Variants in CAMTA1 observed in about 807,000 individuals in gnomAD.
CAMTA1 encodes calmodulin-binding transcription activator 1.
In CAMTA1, 27 loss-of-function variants were observed where a neutral mutation model predicts 170.9. That is an observed-to-expected ratio of 0.16 (90% CI 0.12 to 0.22). The LOEUF is 0.22. Ranked by LOEUF, CAMTA1 falls within the 10% of genes least tolerant of loss-of-function variation. The pLI is 1.00. For synonymous variants in CAMTA1, 833 were observed against 891.5 expected (o/e 0.93, Z 1.17); for missense variants, 1,619 against 2,217.2 (o/e 0.73, Z 5.42).
chr1:6,846,429 G>T (rs1369686901), intron 3 of CAMTA1, among the ~76,000 whole-genome samples: 1 of 152,104 alleles, frequency 6.6e-6, no homozygotes, highest in Non-Finnish European at 1.5e-5. Flanking sequence ...GGAGACAATT[G>T]CCCAAATAAA....
intron 3 of CAMTA1, among the ~76,000 whole-genome samples, chr1:7,021,050 C>T (rs950665634): frequency 4.3e-4 from 65 of 152,240 alleles, no homozygotes; most frequent in Non-Finnish European, 8.7e-4. Flanking sequence ...GTGCTGGAGG[C>T]GAGGAGTGAG....
intron 3 of CAMTA1, among the ~76,000 whole-genome samples, chr1:6,987,168 GT>G (rs34352811): frequency 7.5e-5 from 11 of 145,924 alleles, no homozygotes; most frequent in Non-Finnish European, 1.1e-4. Context: ...AGACTGTTTT[GT>G]TTTTTTTTTT....
intron 3 of CAMTA1, among the ~76,000 whole-genome samples, chr1:6,828,568 G>A (rs974051893): frequency 5.9e-5 from 9 of 152,176 alleles, no homozygotes; most frequent in African/African-American, 2.2e-4. Flanking sequence ...GGGATTACAG[G>A]CGTGAACCAC....
At chr1:7,598,058 T>C (rs2095414028) in intron 6 of CAMTA1, among the ~76,000 whole-genome samples, 1 of 151,784 alleles carries the variant, frequency 6.6e-6, no homozygotes, top group Admixed American at 6.6e-5. Flanking sequence ...TAACATTAGG[T>C]ATATCTCCTA....
At position 7,435,007 on chromosome 1, in the gene CAMTA1, C is replaced by G. The variant is rs1002199127; in HGVS notation, c.439-32823C>G. 6.6e-6 allele frequency among the ~76,000 whole-genome samples: 1 copy of G among 151,990 alleles called. No individual in the cohort carries two copies. The highest frequency in any genetic ancestry group is 2.4e-5 in the African/African-American group (1 of 41,376). ...GTTGAGGCTGCAGTGAGCTGAGATCCCACCACTGCACTCCAGCCTGGGTGA... is the reference window on the plus strand; with the variant it reads ...GTTGAGGCTGCAGTGAGCTGAGATCGCACCACTGCACTCCAGCCTGGGTGA... On this transcript the variant is annotated intron_variant, in intron 5 of 22. Transcript: ENST00000303635. The surrounding 1 kb of genome is among the most constrained non-coding windows in gnomAD (Gnocchi z 4.4).
intron 5 of CAMTA1, among the ~76,000 whole-genome samples, chr1:7,274,795 G>A (rs1285268519): frequency 6.6e-6 from 1 of 152,010 alleles, no homozygotes; most frequent in Non-Finnish European, 1.5e-5. Context: ...CCAAATATGT[G>A]GAAATTACAC....
chr1:6,973,268 T>C (rs1167695617), intron 3 of CAMTA1, among the ~76,000 whole-genome samples: 1 of 152,222 alleles, frequency 6.6e-6, no homozygotes, highest in Non-Finnish European at 1.5e-5. Context: ...ATGTTGAACA[T>C]CAACTCCCTA....
intron 4 of CAMTA1, among the ~76,000 whole-genome samples, chr1:7,091,948 G>A (rs61782774): frequency 0.14 from 21,495 of 152,222 alleles, 1,629 homozygotes; most frequent in East Asian, 0.25. Context: ...CCTGCGTTCC[G>A]CCAGCACCAG....
At position 7,323,632 on chromosome 1, in the gene CAMTA1, C is replaced by T. The variant is rs1678832274; in HGVS notation, c.438+74006C>T. On this transcript the variant is annotated intron_variant, in intron 5 of 22. Transcript: ENST00000303635. ...CCACTTCCCAGGTTCAAACAATTCT[C>T]CTGCCTCAGCCTCCTGAGTCGGTGG... is the stretch of plus-strand genomic sequence containing the variant. Among the ~76,000 whole-genome samples, 5 of 150,402 alleles carry T rather than the reference C, an allele frequency of 3.3e-5. No individual in the cohort carries two copies. In the South Asian group the frequency reaches 1.1e-3, roughly 32 times the overall value.
chr1:7,553,249 G>A (rs2094831811), intron 6 of CAMTA1, among the ~76,000 whole-genome samples: 2 of 72,030 alleles, frequency 2.8e-5, no homozygotes, highest in East Asian at 4.0e-4. Context: ...ATGAATGAGG[G>A]AATGAATGAA....
chr1:7,700,574 G>A (rs1576997245), intron 11 of CAMTA1: 1 of 152,258 alleles, frequency 6.6e-6, no homozygotes, highest in Non-Finnish European at 1.5e-5. Context: ...GCTAGGGAGG[G>A]CCCTACTCAT....
At chr1:7,057,271 G>A (rs1003709627) in intron 3 of CAMTA1, among the ~76,000 whole-genome samples, 2 of 152,190 alleles carry the variant, frequency 1.3e-5, no homozygotes, top group East Asian at 1.9e-4. Context: ...GCGAGCTCCC[G>A]TCCCGGTTCC....
At chr1:7,492,761 A>G (rs1418045927) in intron 6 of CAMTA1, among the ~76,000 whole-genome samples, 1 of 125,230 alleles carries the variant, frequency 8.0e-6, no homozygotes, top group African/African-American at 3.3e-5. Flanking sequence ...ACACACACAA[A>G]CCTACATACA....
intron 5 of CAMTA1, among the ~76,000 whole-genome samples, chr1:7,408,145 G>C (rs845206): frequency 0.91 from 139,040 of 152,220 alleles, 63,592 homozygotes; most frequent in East Asian, 0.99. Context: ...TCTGGCCCAT[G>C]TCAGGTGTCA....
chr1:6,934,653 G>A lies in CAMTA1; in HGVS notation c.234+109443G>A, dbSNP rs1392827842. 6.6e-6 allele frequency among the ~76,000 whole-genome samples: 1 copy of A among 152,130 alleles called. No individual in the cohort carries two copies. Among genetic ancestry groups the A allele is most frequent in the African/African-American group, 2.4e-5 (1 of 41,430 alleles). On this transcript the variant is annotated intron_variant, in intron 3 of 22. Transcript: ENST00000303635. The surrounding 1 kb of genome is among the most constrained non-coding windows in gnomAD (Gnocchi z 4.5). ...GGCAGGAGCTGCCCGAGATCCCGGG[G>A]CAAATGCCTCCCCTCCCTTCACCAC... is the stretch of plus-strand genomic sequence containing the variant.
chr1:7,548,225 T>C (rs934373607), intron 6 of CAMTA1, among the ~76,000 whole-genome samples: 1 of 152,220 alleles, frequency 6.6e-6, no homozygotes, highest in African/African-American at 2.4e-5. Context: ...CTCTGTGGTT[T>C]TCGACCCTCT....
chr1:7,698,060 G>A (rs1179551707), intron 11 of CAMTA1, among the ~76,000 whole-genome samples: 2 of 132,898 alleles, frequency 1.5e-5, no homozygotes, highest in Admixed American at 8.4e-5. Context: ...AGGTCATGCT[G>A]GCCACGCACT....
chr1:7,712,123 A>G lies in CAMTA1; in HGVS notation c.2915-20325A>G, dbSNP rs76711337. On this transcript the variant is annotated intron_variant, in intron 11 of 22. Transcript: ENST00000303635. ...GAACCTCGCATTTATATATTAAGTGATGCTGCTTAAATAAGGAAATATATA... is the reference window on the plus strand; with the variant it reads ...GAACCTCGCATTTATATATTAAGTGGTGCTGCTTAAATAAGGAAATATATA... 5.3e-3 allele frequency among the ~76,000 whole-genome samples: 807 copies of G among 152,320 alleles called. 8 individuals carry two copies. Among genetic ancestry groups the G allele is most frequent in the African/African-American group, 0.019 (770 of 41,566 alleles).
intron 5 of CAMTA1, among the ~76,000 whole-genome samples, chr1:7,322,924 C>T (rs978041229): frequency 1.3e-5 from 2 of 149,386 alleles, no homozygotes; most frequent in Non-Finnish European, 3.0e-5. Context: ...CCTTTCCTTT[C>T]CTCCCTCTTC....
Sources: allele counts gnomAD v4.1 joint callset (sites outside exome capture counted in the v4.1 genomes callset), GRCh38; gene constraint gnomAD v4.1.1; non-coding constraint Gnocchi (gnomAD v3.1); transcripts MANE v1.5; gene names NCBI Gene and HGNC (gene_info 2026-07-23, HGNC 2026-07-21).